Variants in CACNA2D1 observed in about 807,000 individuals in gnomAD.
CACNA2D1 encodes the protein calcium voltage-gated channel auxiliary subunit alpha2delta 1, also known as voltage-dependent calcium channel subunit alpha-2/delta-1.
A neutral mutation model predicts 171.5 loss-of-function variants in CACNA2D1; 53 were observed. The ratio of observed to expected loss-of-function variants is 0.31; its 90% confidence interval spans 0.25 to 0.39. CACNA2D1 has a LOEUF of 0.39. CACNA2D1 is among the 10% of genes least tolerant of loss of function. CACNA2D1 has a pLI of 1.00. For synonymous variants in CACNA2D1, 442 were observed against 443.1 expected (o/e 1.00, Z 0.03); for missense variants, 903 against 1,299.8 (o/e 0.69, Z 4.69).
chr7:82,297,321 T>C (rs1290085156), intron 3 of CACNA2D1, among the ~76,000 whole-genome samples: 3 of 152,102 alleles, frequency 2.0e-5, no homozygotes, highest in Non-Finnish European at 2.9e-5. Context: ...ATCTTGATCA[T>C]TGATCTGTAA....
At chr7:82,301,713 T>C (rs2129425477) in intron 3 of CACNA2D1, among the ~76,000 whole-genome samples, 1 of 150,484 alleles carries the variant, frequency 6.6e-6, no homozygotes, top group African/African-American at 2.4e-5. Context: ...AAATTGTGTA[T>C]TAATTTTGGT....
At chr7:82,256,771 G>A (rs143540991) in intron 3 of CACNA2D1, among the ~76,000 whole-genome samples, 8 of 152,194 alleles carry the variant, frequency 5.3e-5, no homozygotes, top group South Asian at 2.1e-4. Flanking sequence ...TCTGACAAAA[G>A]GAAAGCATGA....
intron 3 of CACNA2D1, among the ~76,000 whole-genome samples, chr7:82,171,962 A>T (rs1292730820): frequency 1.3e-5 from 2 of 151,670 alleles, no homozygotes; most frequent in Non-Finnish European, 2.9e-5. Context: ...TTTTTATATT[A>T]ATGTATTGGC....
At chr7:81,978,753 G>GTA (rs1554336413) in intron 24 of CACNA2D1, among the ~76,000 whole-genome samples, 1,816 of 139,452 alleles carry the variant, frequency 0.013, 25 homozygotes, top group South Asian at 0.041. Flanking sequence ...TTTAAAAAGT[G>GTA]TATATATATA....
chr7:82,144,732 C>T (rs1450278122), intron 4 of CACNA2D1, among the ~76,000 whole-genome samples: 2 of 151,982 alleles, frequency 1.3e-5, no homozygotes, highest in Non-Finnish European at 2.9e-5. Flanking sequence ...GTAATCATTA[C>T]CATTTTTAAA....
chr7:82,159,932 T>C (rs189492948), intron 4 of CACNA2D1, among the ~76,000 whole-genome samples: 3 of 138,732 alleles, frequency 2.2e-5, no homozygotes, highest in Non-Finnish European at 4.5e-5. Flanking sequence ...ATACACACAC[T>C]CTCAAAAATA....
intron 23 of CACNA2D1, 74 bp downstream of exon 23, chr7:81,983,240 A>T (rs1377376471): frequency 3.2e-6 from 4 of 1,260,830 alleles, no homozygotes; most frequent in Admixed American, 1.7e-5. Context: ...ATAATATCCA[A>T]TAGGAAGGAA....
intron 1 of CACNA2D1, among the ~76,000 whole-genome samples, chr7:82,359,900 T>C (rs927343240): frequency 3.9e-5 from 6 of 152,230 alleles, no homozygotes; most frequent in Admixed American, 3.3e-4. Context: ...GGAACTGTTC[T>C]AAACATGCTT....
chr7:82,230,657 T>C (rs1802832364), intron 3 of CACNA2D1, among the ~76,000 whole-genome samples: 1 of 152,178 alleles, frequency 6.6e-6, no homozygotes, highest in African/African-American at 2.4e-5. Context: ...TAATGCTATT[T>C]TAAAATATTG....
intron 3 of CACNA2D1, among the ~76,000 whole-genome samples, chr7:82,190,449 C>T (rs1223780130): frequency 6.6e-6 from 1 of 151,754 alleles, no homozygotes; most frequent in Non-Finnish European, 1.5e-5. Flanking sequence ...AATAGCATGG[C>T]TACCTAATGA....
At chr7:81,957,961 G>A (rs1047767380) in intron 38 of CACNA2D1, among the ~76,000 whole-genome samples, 2 of 152,018 alleles carry the variant, frequency 1.3e-5, no homozygotes, top group South Asian at 2.1e-4. Flanking sequence ...GTTGATGAGC[G>A]AAGTTTCTCT....
chr7:82,132,870 C>G (rs527826173), intron 5 of CACNA2D1, among the ~76,000 whole-genome samples: 1 of 152,268 alleles, frequency 6.6e-6, no homozygotes, highest in Non-Finnish European at 1.5e-5. Context: ...TGTTCTAAAG[C>G]ACTCTGAGCT....
intron 10 of CACNA2D1, among the ~76,000 whole-genome samples, chr7:82,046,023 A>G (rs1215065549): frequency 6.6e-6 from 1 of 152,328 alleles, no homozygotes; most frequent in South Asian, 2.1e-4. Context: ...TTCCTACTGC[A>G]GTAACTTTAG....
At chr7:82,111,748 G>A (rs927082073) in intron 6 of CACNA2D1, among the ~76,000 whole-genome samples, 3 of 151,688 alleles carry the variant, frequency 2.0e-5, no homozygotes, top group Non-Finnish European at 4.4e-5. Flanking sequence ...CACACCAGGA[G>A]GAGCTTTCTA....
intron 9 of CACNA2D1, among the ~76,000 whole-genome samples, 178 bp downstream of exon 9, chr7:82,064,121 TAATTA>T (rs1268050475): frequency 6.6e-6 from 1 of 152,038 alleles, no homozygotes; most frequent in African/African-American, 2.4e-5. Context: ...TCTTCATGTT[TAATTA>T]AATAATTTGT....
intron 12 of CACNA2D1, among the ~76,000 whole-genome samples, chr7:82,024,146 GT>G (rs148094297): frequency 5.4e-5 from 8 of 147,848 alleles, no homozygotes; most frequent in Non-Finnish European, 1.2e-4. Context: ...CCTAACTTCA[GT>G]TTTTTTTTTG....
intron 4 of CACNA2D1, among the ~76,000 whole-genome samples, chr7:82,166,410 A>T (rs1362435991): frequency 6.6e-6 from 1 of 152,036 alleles, no homozygotes; most frequent in Non-Finnish European, 1.5e-5. Context: ...AGCTGGTGCT[A>T]ATAAGCCATA....
chr7:82,242,039 C>T (rs899261333), intron 3 of CACNA2D1, among the ~76,000 whole-genome samples: 10 of 151,918 alleles, frequency 6.6e-5, no homozygotes, highest in Admixed American at 2.6e-4. Flanking sequence ...TTGTTTCACT[C>T]GCATAAGAAG....
In CACNA2D1 at chr7:82,337,650, G is replaced by A. The variant is rs866663225; in HGVS notation, c.178-2399C>T. ...TCTTTCTCGAAGGAAAAACAGCATGGTGGAAATAATACGAGTTTTTGGCAC... is the reference window on the plus strand; with the variant it reads ...TCTTTCTCGAAGGAAAAACAGCATGATGGAAATAATACGAGTTTTTGGCAC... On this transcript the variant is annotated intron_variant, in intron 2 of 38. Transcript: ENST00000356860. 2.6e-5 allele frequency among the ~76,000 whole-genome samples: 4 copies of A among 152,194 alleles called. No individual in the cohort carries two copies. In the Middle Eastern group the frequency reaches 0.01, roughly 388 times the overall value.
Sources: allele counts gnomAD v4.1 joint callset (sites outside exome capture counted in the v4.1 genomes callset), GRCh38; gene constraint gnomAD v4.1.1; transcripts MANE v1.5; gene names NCBI Gene and HGNC (gene_info 2026-07-23, HGNC 2026-07-21).